Variants in PPARGC1A observed in about 807,000 individuals in gnomAD.
PPARGC1A encodes peroxisome proliferator-activated receptor gamma coactivator 1-alpha.
A neutral mutation model predicts 88.7 loss-of-function variants in PPARGC1A; 25 were observed. That is an observed-to-expected ratio of 0.28 (90% CI 0.21 to 0.39). The LOEUF (loss-of-function observed/expected upper bound fraction) is 0.39. Among genes scored for constraint, PPARGC1A ranks in the 10% least tolerant of loss-of-function variants. The probability of loss-of-function intolerance (pLI) is 1.00; values close to 1 mark genes in which losing one functional copy is unlikely to be tolerated. For synonymous variants in PPARGC1A, 363 were observed against 355.6 expected (o/e 1.02, Z -0.24); for missense variants, 880 against 968.7 (o/e 0.91, Z 1.22).
intron 10 of PPARGC1A, among the ~76,000 whole-genome samples, chr4:23,808,432 C>T (rs993817346): frequency 1.3e-5 from 2 of 151,990 alleles, no homozygotes; most frequent in African/African-American, 2.4e-5. Context: ...GAGTGCTGAG[C>T]CATATCACAA....
chr4:23,898,858 CAG>C (rs987082275), intron 1 of PPARGC1A, among the ~76,000 whole-genome samples: 19 of 131,488 alleles, frequency 1.4e-4, no homozygotes, highest in African/African-American at 5.0e-4. Flanking sequence ...TTTTTTGAGA[CAG>C]AGTCTTGCTT....
the PPARGC1A span, among the ~76,000 whole-genome samples, chr4:23,952,663 A>G: frequency 1.3e-5 from 2 of 152,112 alleles, no homozygotes; most frequent in African/African-American, 4.8e-5. Context: ...AAATTTTGTA[A>G]AAAGAATATG....
the PPARGC1A span, among the ~76,000 whole-genome samples, chr4:24,272,026 T>C: frequency 6.6e-6 from 1 of 152,154 alleles, no homozygotes; most frequent in African/African-American, 2.4e-5. Flanking sequence ...GTGCTGACTG[T>C]TAGCTTCTGT....
At chr4:24,165,853 A>G in the PPARGC1A span, among the ~76,000 whole-genome samples, 2 of 152,262 alleles carry the variant, frequency 1.3e-5, no homozygotes, top group East Asian at 3.9e-4. Context: ...TGAGACACAC[A>G]ATATTAAGCT....
chr4:23,917,420 G>A, the PPARGC1A span, among the ~76,000 whole-genome samples: 4 of 150,082 alleles, frequency 2.7e-5, no homozygotes, highest in Non-Finnish European at 5.9e-5. Context: ...TGTGGCCCAG[G>A]CTGTGCCATT....
the PPARGC1A span, among the ~76,000 whole-genome samples, chr4:24,434,077 G>A: frequency 6.6e-6 from 1 of 152,138 alleles, no homozygotes; most frequent in Non-Finnish European, 1.5e-5. Flanking sequence ...ATCCTTTGCA[G>A]GGTACTGATT....
chr4:24,383,774 G>A, the PPARGC1A span, among the ~76,000 whole-genome samples: 1 of 152,152 alleles, frequency 6.6e-6, no homozygotes, highest in African/African-American at 2.4e-5. Context: ...AAGTGATGGG[G>A]AGAATGCAAC....
the PPARGC1A span, among the ~76,000 whole-genome samples, chr4:24,071,590 A>G: frequency 2.6e-5 from 4 of 152,108 alleles, no homozygotes; most frequent in Non-Finnish European, 4.4e-5. Context: ...TGACAAATAC[A>G]TTGGTGAATT....
At chr4:23,932,379 C>G in the PPARGC1A span, among the ~76,000 whole-genome samples, 1 of 152,238 alleles carries the variant, frequency 6.6e-6, no homozygotes, top group East Asian at 1.9e-4. Context: ...TTCTATAGAT[C>G]GAAGTGCAGA....
chr4:24,173,775 C>T, the PPARGC1A span, among the ~76,000 whole-genome samples: 1 of 152,172 alleles, frequency 6.6e-6, no homozygotes, highest in South Asian at 2.1e-4. Context: ...TCCTCATCTG[C>T]AAAATGGGAA....
At chr4:24,256,539 C>T in the PPARGC1A span, among the ~76,000 whole-genome samples, 18 of 152,076 alleles carry the variant, frequency 1.2e-4, no homozygotes, top group African/African-American at 4.1e-4. Context: ...ACAGCAACTC[C>T]GAAGTAGGTG....
At chr4:24,189,827 C>T in the PPARGC1A span, among the ~76,000 whole-genome samples, 2 of 152,080 alleles carry the variant, frequency 1.3e-5, 1 homozygote, top group South Asian at 4.1e-4. Context: ...TCCACAGTGT[C>T]CCCACCAGAC....
At chr4:24,320,868 A>G in the PPARGC1A span, among the ~76,000 whole-genome samples, 1 of 152,214 alleles carries the variant, frequency 6.6e-6, no homozygotes, top group Non-Finnish European at 1.5e-5. Context: ...TTGTGCAAAC[A>G]AGGTCAACAG....
chr4:24,197,074 T>A, the PPARGC1A span, among the ~76,000 whole-genome samples: 1 of 152,190 alleles, frequency 6.6e-6, no homozygotes, highest in Non-Finnish European at 1.5e-5. Context: ...AAATTGCCAG[T>A]TAGAAATAGA....
chr4:24,413,891 T>G, the PPARGC1A span, among the ~76,000 whole-genome samples: 4 of 152,298 alleles, frequency 2.6e-5, no homozygotes, highest in East Asian at 3.9e-4. Context: ...CCTTCCCATA[T>G]GTTAAATGTC....
chr4:24,104,385 A>C, the PPARGC1A span, among the ~76,000 whole-genome samples: 3 of 152,150 alleles, frequency 2.0e-5, no homozygotes, highest in Non-Finnish European at 4.4e-5. Context: ...CTCTGTCAAC[A>C]ACCTTTCCCC....
the PPARGC1A span, among the ~76,000 whole-genome samples, chr4:23,988,618 G>A: frequency 8.0e-6 from 1 of 125,120 alleles, no homozygotes; most frequent in East Asian, 2.3e-4. Flanking sequence ...TATAGGGTAT[G>A]TTCATGTGAA....
the PPARGC1A span, among the ~76,000 whole-genome samples, chr4:24,166,624 G>C: frequency 6.6e-6 from 1 of 152,140 alleles, no homozygotes; most frequent in African/African-American, 2.4e-5. Flanking sequence ...ACCAAGATAA[G>C]GGAGTAAGCA....
chr4:23,835,729 A>C (rs1370010920), intron 2 of PPARGC1A, among the ~76,000 whole-genome samples: 1 of 152,300 alleles, frequency 6.6e-6, no homozygotes, highest in African/African-American at 2.4e-5. Flanking sequence ...TGTTTTCTTT[A>C]ATCATAGAAA....
Sources: gnomAD v4.1 joint callset for allele counts (sites outside exome capture counted in the v4.1 genomes callset) on GRCh38, gnomAD v4.1.1 for gene constraint, MANE v1.5 for transcripts, NCBI Gene and HGNC (gene_info 2026-07-23, HGNC 2026-07-21) for gene names.